The following ANKRD12 variants were observed in gnomAD, a reference collection of about 807,000 sequenced individuals.
ANKRD12 encodes ankyrin repeat domain 12.
A neutral mutation model predicts 183.4 loss-of-function variants in ANKRD12; 85 were observed. The ratio of observed to expected loss-of-function variants is 0.46; its 90% CI spans 0.39 to 0.56. The LOEUF (loss-of-function observed/expected upper bound fraction) is 0.56. Among genes scored for constraint, ANKRD12 ranks in the 20% least tolerant of loss-of-function variants. ANKRD12 has a pLI of 0.00. For synonymous variants in ANKRD12, 914 were observed against 800.2 expected (o/e 1.14, Z -2.40); for missense variants, 2,405 against 2,357.1 (o/e 1.02, Z -0.42).
At chr18:9,166,211 T>C (rs2032048155) in intron 1 of ANKRD12, among the ~76,000 whole-genome samples, 1 of 152,180 alleles carries the variant, frequency 6.6e-6, no homozygotes, top group African/African-American at 2.4e-5. Context: ...AGCAGCATGA[T>C]TTGTAATCCT....
chr18:9,193,284 G>A (rs973049573), intron 2 of ANKRD12, among the ~76,000 whole-genome samples: 3 of 151,810 alleles, frequency 2.0e-5, no homozygotes, highest in South Asian at 2.1e-4. Flanking sequence ...GAACACAGGC[G>A]CATGCCACCA....
intron 1 of ANKRD12, among the ~76,000 whole-genome samples, chr18:9,165,124 T>C (rs1209689816): frequency 6.6e-6 from 1 of 152,182 alleles, no homozygotes; most frequent in Non-Finnish European, 1.5e-5. Context: ...GCTCTTCTCG[T>C]TGAACTGAAC....
chr18:9,281,788 G>A lies in ANKRD12; in HGVS notation c.*662G>A, dbSNP rs938673725. The A allele has an allele frequency of 1.3e-5, 2 of 152,648 alleles. No homozygotes were observed. The highest frequency in any genetic ancestry group is 4.8e-5 in the African/African-American group (2 of 41,460). 9.5% of individuals were successfully genotyped at this position (152,648 alleles called of 1,614,324 possible). A position where few individuals can be genotyped will look rare whatever the true frequency, so the allele number is the denominator to read the frequency against. ...TTGGACCAAAGTTGTGGTTTGTATGGAGTGTAGTAGTAGTGTGTACAGGTA... is the reference window on the plus strand; with the variant it reads ...TTGGACCAAAGTTGTGGTTTGTATGAAGTGTAGTAGTAGTGTGTACAGGTA... On this transcript the variant is annotated 3_prime_UTR_variant, in exon 13 of 13. Coordinates refer to ENST00000262126, the MANE Select transcript of ANKRD12 (RefSeq NM_015208.5).
Position 9,195,717 on chromosome 18 carries a change from C to G in ANKRD12, c.235+19C>G, listed in dbSNP as rs960403570. ...GACACAGGTAGAATAATTTGCTGTT[C>G]TCTGGTAAAATCTTGCCCATTCTTT... On this transcript the variant is annotated intron_variant, in intron 3 of 12. Transcript: ENST00000262126. 5 of 1,601,068 alleles carry G rather than the reference C, an allele frequency of 3.1e-6. No homozygotes were observed. In the African/African-American group the frequency reaches 6.8e-5, roughly 22 times the overall value.
At chr18:9,261,816 A>T (rs1052312784) in intron 9 of ANKRD12, among the ~76,000 whole-genome samples, 2 of 152,080 alleles carry the variant, frequency 1.3e-5, no homozygotes, top group African/African-American at 4.8e-5. Flanking sequence ...TTCCTTTAAG[A>T]TGCAGGTCAG....
At chr18:9,139,567 A>G (rs868121091) in intron 1 of ANKRD12, among the ~76,000 whole-genome samples, 5 of 152,232 alleles carry the variant, frequency 3.3e-5, no homozygotes, top group East Asian at 3.8e-4. Context: ...GGTTAATGCA[A>G]TCATTTCCAT....
rs1275530949 is a variant in ANKRD12, at chr18:9,220,684, C to T, written c.796-1168C>T. Among the ~76,000 whole-genome samples, 3 of 152,014 alleles carry T rather than the reference C, an allele frequency of 2.0e-5. No individual in the cohort carries two copies. The East Asian group carries it at 5.8e-4, about 29-fold the overall frequency. On this transcript the variant is annotated intron_variant, in intron 7 of 12. Transcript: ENST00000262126. ...ACACATAGAATCAGTTGGATGTGTC[C>T]AGTGAGTATTTGAATGTTTGGGTTT...
chr18:9,159,536 A>G (rs555905022), intron 1 of ANKRD12, among the ~76,000 whole-genome samples: 88 of 151,378 alleles, frequency 5.8e-4, no homozygotes, highest in African/African-American at 1.9e-3. Flanking sequence ...GGTTCCTGCC[A>G]TTCTCCTGCC....
At chr18:9,185,733 G>C (rs981072677) in intron 2 of ANKRD12, among the ~76,000 whole-genome samples, 7 of 152,152 alleles carry the variant, frequency 4.6e-5, no homozygotes, top group Admixed American at 1.3e-4. Flanking sequence ...GGAGTAAAGA[G>C]ACAAGGAAAG....
intron 2 of ANKRD12, among the ~76,000 whole-genome samples, chr18:9,185,139 A>G (rs2144229941): frequency 6.6e-6 from 1 of 152,330 alleles, no homozygotes; most frequent in East Asian, 1.9e-4. Context: ...TTCAGTTGGG[A>G]TGTAGCCTAT....
rs773581192 is a variant in ANKRD12 at position 9,258,208 on chromosome 18, G to C, written c.4941G>C (p.Arg1647Ser). Residue 1647 changes from arginine (R) to serine (S), a missense_variant, in exon 9 of 13, where the codon AGG (arginine) becomes AGC (serine). Arg to Ser is a moderately radical substitution (Grantham distance 110, BLOSUM62 -1). Around this residue, in one of 7 missense-constraint regions of ANKRD12, gnomAD observed 1,983 missense variants for 1,725.9 expected, o/e 1.15. Coordinates refer to ENST00000262126, the MANE Select transcript of ANKRD12 (RefSeq NM_015208.5). ...LESLVLTHLSRCDSDLCEMNA... is the reference protein window; with the variant it reads ...LESLVLTHLSSCDSDLCEMNA... ...GTTTGGTTTTAACTCATTTGAGTAGGTGTGATTCTGATTTATGTGAAATGA... is the reference window on the plus strand; with the variant it reads ...GTTTGGTTTTAACTCATTTGAGTAGCTGTGATTCTGATTTATGTGAAATGA... The C allele has an allele frequency of 4.3e-6, 7 of 1,613,868 alleles. No individual in the cohort carries two copies. The highest frequency in any genetic ancestry group is 3.3e-5 in the Admixed American group (2 of 59,914).
At chr18:9,207,621 T>G (rs73394118) in intron 4 of ANKRD12, among the ~76,000 whole-genome samples, 4,157 of 152,242 alleles carry the variant, frequency 0.027, 205 homozygotes, top group African/African-American at 0.095. Context: ...GCTCTTCATA[T>G]CTGCTTGAAA....
At position 9,170,501 on chromosome 18, in the gene ANKRD12, G is replaced by A. The variant is rs550824693; in HGVS notation, c.-51-11881G>A. On this transcript the variant is annotated intron_variant, in intron 1 of 12. Transcript: ENST00000262126. ...ACCCTTTCTTCCAGTTGATCGCATC[G>A]GCTGCTGAGACTTCTGCATTCGTCA... Among the ~76,000 whole-genome samples the A allele has an allele frequency of 3.3e-5, 5 of 152,126 alleles. No individual in the cohort carries two copies. The East Asian group carries it at 5.8e-4, about 18-fold the overall frequency.
intron 1 of ANKRD12, among the ~76,000 whole-genome samples, chr18:9,148,742 T>G (rs940160396): frequency 6.6e-6 from 1 of 152,182 alleles, no homozygotes; most frequent in African/African-American, 2.4e-5. Context: ...TCCTTGTGTC[T>G]TAGGTAATTC....
In ANKRD12 at chr18:9,250,395, A is replaced by G. The variant is rs533799668; in HGVS notation, c.944-3816A>G. ...TGATGAGACCCTGAGCTGAGACAGT[A>G]GTAGTGGGAATAGAGAGAAAACGGA... On this transcript the variant is annotated intron_variant, in intron 8 of 12. Coordinates refer to ENST00000262126, the MANE Select transcript of ANKRD12 (RefSeq NM_015208.5). Among the ~76,000 whole-genome samples, 85 of 152,286 alleles carry G rather than the reference A, an allele frequency of 5.6e-4. 1 individual carries two copies. Among genetic ancestry groups the G allele is most frequent in the African/African-American group, 2.0e-3 (84 of 41,548 alleles).
chr18:9,205,367 A>T (rs1172554317), intron 4 of ANKRD12, among the ~76,000 whole-genome samples: 1 of 152,060 alleles, frequency 6.6e-6, no homozygotes, highest in East Asian at 1.9e-4. Flanking sequence ...TTTTCAGCAT[A>T]TGACATTTAG....
chr18:9,226,218 G>A (rs1027652774), intron 8 of ANKRD12, among the ~76,000 whole-genome samples: 2 of 152,142 alleles, frequency 1.3e-5, no homozygotes, highest in African/African-American at 4.8e-5. Context: ...GAGGTCAGGA[G>A]TTCAAGACTA....
At chr18:9,278,110 C>G (rs1474479442) in intron 11 of ANKRD12, among the ~76,000 whole-genome samples, 10 of 152,156 alleles carry the variant, frequency 6.6e-5, no homozygotes, top group Admixed American at 5.9e-4. Flanking sequence ...GATGAGATAC[C>G]AAAATGTGAG....
intron 10 of ANKRD12, among the ~76,000 whole-genome samples, chr18:9,271,251 A>AT (rs953199356): frequency 5.3e-5 from 8 of 152,054 alleles, no homozygotes; most frequent in Non-Finnish European, 1.0e-4. Context: ...TTTTAAAAAA[A>AT]TTTTTGCCAG....
Sources: allele counts gnomAD v4.1 joint callset (sites outside exome capture counted in the v4.1 genomes callset), GRCh38; gene constraint gnomAD v4.1.1; regional missense constraint gnomAD v4.1.1; transcripts MANE v1.5; gene names NCBI Gene and HGNC (gene_info 2026-07-23, HGNC 2026-07-21).